The following GATAD2A variants were observed in gnomAD, a reference collection of about 807,000 sequenced individuals.
The protein encoded by GATAD2A is GATA zinc finger domain containing 2A.
Under a neutral mutation model 68.5 loss-of-function variants are expected in GATAD2A, and 12 were observed. The observed-to-expected ratio is 0.18, with a 90% CI of 0.11 to 0.28. The LOEUF is 0.28. Among genes scored for constraint, GATAD2A ranks in the 10% least tolerant of loss-of-function variants. GATAD2A has a pLI of 1.00. For synonymous variants in GATAD2A, 410 were observed against 375.3 expected (o/e 1.09, Z -1.07); for missense variants, 755 against 868.5 (o/e 0.87, Z 1.64).
chr19:19,436,235 G>A, intron 1 of GATAD2A: 3 of 1,318,728 alleles, frequency 2.3e-6, no homozygotes, highest in Non-Finnish European at 3.1e-6. Flanking sequence ...TGCTTGGGGT[G>A]TAGTGTCTGT....
intron 1 of GATAD2A, among the ~76,000 whole-genome samples, chr19:19,398,787 G>A (rs1008303527): frequency 6.6e-6 from 1 of 151,828 alleles, no homozygotes; most frequent in African/African-American, 2.4e-5. Context: ...TAGGCCAGGC[G>A]TGGTGGCTCA....
In GATAD2A at chr19:19,483,707, C is replaced by T. The variant is rs150691644; in HGVS notation, c.270-8599C>T. ...TCGGCTCACTGCAAACTCCACCTCC[C>T]GGGTTCACGCCATTCTGCTGCCTCA... On this transcript the variant is annotated intron_variant, in intron 2 of 11. Transcript: ENST00000683918. Among the ~76,000 whole-genome samples, 343 of 151,912 alleles carry T rather than the reference C, an allele frequency of 2.3e-3. 3 individuals carry two copies. The highest frequency in any genetic ancestry group is 7.9e-3 in the African/African-American group (327 of 41,424).
At chr19:19,429,383 T>A in intron 1 of GATAD2A, 1 of 224,716 alleles carries the variant, frequency 4.5e-6, no homozygotes, top group Non-Finnish European at 7.4e-6. Context: ...GCGTGCTGGG[T>A]CTGAGGAATT....
intron 8 of GATAD2A, among the ~76,000 whole-genome samples, chr19:19,500,174 C>T (rs1387860565): frequency 6.6e-6 from 1 of 152,236 alleles, no homozygotes; most frequent in Non-Finnish European, 1.5e-5. Flanking sequence ...CATCTCCTGA[C>T]ACCTCCCAGA....
intron 1 of GATAD2A, among the ~76,000 whole-genome samples, chr19:19,431,736 C>G (rs921246627): frequency 2.0e-5 from 3 of 151,460 alleles, no homozygotes; most frequent in Non-Finnish European, 4.4e-5. Flanking sequence ...ACTTATGTGT[C>G]AGACACTGTT....
intron 1 of GATAD2A, among the ~76,000 whole-genome samples, chr19:19,439,214 T>G (rs752854192): frequency 3.3e-5 from 5 of 152,256 alleles, no homozygotes; most frequent in Non-Finnish European, 5.9e-5. Flanking sequence ...TCTTGCCTGT[T>G]CATGGACTTG....
At chr19:19,438,237 T>C (rs2054593465) in intron 1 of GATAD2A, among the ~76,000 whole-genome samples, 1 of 152,226 alleles carries the variant, frequency 6.6e-6, no homozygotes, top group Non-Finnish European at 1.5e-5. Context: ...CACATGGCTC[T>C]CATCATGTTG....
chr19:19,491,627 T>C (rs2059795896), intron 2 of GATAD2A, among the ~76,000 whole-genome samples: 1 of 152,184 alleles, frequency 6.6e-6, no homozygotes, highest in Non-Finnish European at 1.5e-5. Flanking sequence ...ACTTGTGTCC[T>C]AGTCAGTTTC....
intron 2 of GATAD2A, among the ~76,000 whole-genome samples, chr19:19,481,179 G>C (rs1046111576): frequency 1.3e-5 from 2 of 152,154 alleles, no homozygotes; most frequent in South Asian, 4.2e-4. Context: ...GGGGTGCTGC[G>C]ATCAGTGGCC....
At chr19:19,420,366 C>G (rs28478453) in intron 1 of GATAD2A, among the ~76,000 whole-genome samples, 24,763 of 132,286 alleles carry the variant, frequency 0.19, 2,409 homozygotes, top group South Asian at 0.33. Flanking sequence ...GGGTCTCGCT[C>G]TGTCACCCAG....
At position 19,507,793 on chromosome 19, in the gene GATAD2A, C is replaced by G. The variant is rs1461961323; in HGVS notation, c.*2319C>G. ...CCCAGGGGGCAAAAGTGTGAGATGC[C>G]TTAATCTTTCCTTCATTTCTGCTGT... On this transcript the variant is annotated 3_prime_UTR_variant, in exon 12 of 12. Coordinates refer to ENST00000683918, the MANE Select transcript of GATAD2A (RefSeq NM_001384528.1). The G allele has an allele frequency of 6.6e-6, 1 of 152,050 alleles. No homozygotes were observed. Among genetic ancestry groups the G allele is most frequent in the Middle Eastern group, 3.1e-3 (1 of 318 alleles). 9.4% of individuals were successfully genotyped at this position (152,050 alleles called of 1,614,324 possible).
chr19:19,412,562 G>A (rs569412239), intron 1 of GATAD2A, among the ~76,000 whole-genome samples: 1 of 152,092 alleles, frequency 6.6e-6, no homozygotes, highest in South Asian at 2.1e-4. Context: ...AGCCTGGGAG[G>A]TTGAAGCTGC....
chr19:19,395,480 C>A (rs1189875110), intron 1 of GATAD2A, among the ~76,000 whole-genome samples: 1 of 151,848 alleles, frequency 6.6e-6, no homozygotes, highest in Non-Finnish European at 1.5e-5. Context: ...AAAACATGTT[C>A]AAGTTACCCC....
At chr19:19,461,567 A>G (rs2057428639) in intron 1 of GATAD2A, among the ~76,000 whole-genome samples, 1 of 152,212 alleles carries the variant, frequency 6.6e-6, no homozygotes, top group Non-Finnish European at 1.5e-5. Flanking sequence ...TCTGCCCTAA[A>G]GCCCATGGAG....
chr19:19,499,596 C>G lies in GATAD2A; in HGVS notation c.1204+874C>G, dbSNP rs570648141. Among the ~76,000 whole-genome samples the G allele has an allele frequency of 1.4e-4, 22 of 152,256 alleles. No individual in the cohort carries two copies. The East Asian group carries it at 4.3e-3, about 29-fold the overall frequency. ...GCCAGGTCGAGCTGTGCCCCCAGCA[C>G]CTGGGGTTGGGAAGATGCTCTCCCC... On this transcript the variant is annotated intron_variant, in intron 8 of 11. Transcript: ENST00000683918.
chr19:19,480,040 C>T (rs1157487169), intron 2 of GATAD2A, among the ~76,000 whole-genome samples: 1 of 151,892 alleles, frequency 6.6e-6, no homozygotes, highest in Non-Finnish European at 1.5e-5. Flanking sequence ...CTTCTGGCCT[C>T]CTGTGATCCA....
At chr19:19,405,553 G>A (rs1449886982), upstream of GATAD2A, among the ~76,000 whole-genome samples, 1 of 152,060 alleles carries the variant, frequency 6.6e-6, no homozygotes, top group Non-Finnish European at 1.5e-5. Context: ...CGCCGGAGAG[G>A]GGCGGTGCTT....
At chr19:19,411,254 G>T (rs2147113932) in intron 1 of GATAD2A, among the ~76,000 whole-genome samples, 1 of 152,344 alleles carries the variant, frequency 6.6e-6, no homozygotes, top group Non-Finnish European at 1.5e-5. Context: ...TTCAGACGTT[G>T]TCTATTTTTT....
intron 1 of GATAD2A, among the ~76,000 whole-genome samples, chr19:19,436,423 A>G (rs1230672373): frequency 6.6e-6 from 1 of 152,176 alleles, no homozygotes; most frequent in Non-Finnish European, 1.5e-5. Context: ...GGAAAAAGAA[A>G]CCATTCTGAT....
Sources: gnomAD v4.1 joint callset for allele counts (sites outside exome capture counted in the v4.1 genomes callset) on GRCh38, gnomAD v4.1.1 for gene constraint, MANE v1.5 for transcripts, NCBI Gene and HGNC (gene_info 2026-07-23, HGNC 2026-07-21) for gene names.